Variants in KCNB2 observed in about 807,000 individuals in gnomAD.
KCNB2 encodes delayed rectifier potassium channel protein.
KCNB2 carries 15 observed loss-of-function variants against 61.5 expected under a neutral mutation model. The observed-to-expected ratio is 0.24, with a 90% CI of 0.16 to 0.38. The LOEUF is 0.38. Among genes scored for constraint, KCNB2 ranks in the 10% least tolerant of loss-of-function variants. The probability of loss-of-function intolerance (pLI) is 1.00; values close to 1 mark genes in which losing one functional copy is unlikely to be tolerated. For missense variants in KCNB2, 828 were observed against 1,125.2 expected (o/e 0.74, Z 3.78); for synonymous variants, 457 against 446.0 (o/e 1.02, Z -0.31).
chr8:72,753,561 G>A (rs1808238161), intron 2 of KCNB2, among the ~76,000 whole-genome samples: 1 of 152,196 alleles, frequency 6.6e-6, no homozygotes, highest in South Asian at 2.1e-4. Context: ...AACCAATTGA[G>A]TAGCTTGTCA....
chr8:72,757,029 G>T (rs1012310856), intron 2 of KCNB2, among the ~76,000 whole-genome samples: 1 of 152,154 alleles, frequency 6.6e-6, no homozygotes, highest in South Asian at 2.1e-4. Context: ...CATTGGCAGA[G>T]CATGATACTT....
At chr8:72,892,241 G>A (rs1159346278) in intron 2 of KCNB2, among the ~76,000 whole-genome samples, 2 of 152,038 alleles carry the variant, frequency 1.3e-5, no homozygotes, top group East Asian at 3.9e-4. Context: ...TTCCTGAGGG[G>A]TAGTGATCTC....
intron 2 of KCNB2, among the ~76,000 whole-genome samples, chr8:72,715,713 A>C (rs1362433709): frequency 2.0e-5 from 3 of 152,254 alleles, no homozygotes; most frequent in Non-Finnish European, 4.4e-5. Flanking sequence ...AAAGCAGGAA[A>C]GATCTAAAAT....
chr8:72,930,990 G>A lies in KCNB2; in HGVS notation c.580-4945G>A, dbSNP rs906419687. Among the ~76,000 whole-genome samples the A allele has an allele frequency of 2.6e-5, 4 of 152,138 alleles. No homozygotes were observed. The South Asian group carries it at 6.2e-4, about 24-fold the overall frequency. On this transcript the variant is annotated intron_variant, in intron 2 of 2. Coordinates refer to ENST00000523207, the MANE Select transcript of KCNB2 (RefSeq NM_004770.3). ...AACTTTTGTATAAGGTGTAAGGAAG[G>A]GATCCAGTTTCAGCTTTCTACTAAT...
chr8:72,830,307 C>T lies in KCNB2; in HGVS notation c.580-105628C>T, dbSNP rs886244744. Among the ~76,000 whole-genome samples the T allele has an allele frequency of 1.6e-4, 23 of 147,922 alleles. 1 individual carries two copies. The highest frequency in any genetic ancestry group is 3.5e-3 in the Middle Eastern group (1 of 282). ...AGGAGAGAAGGAGACCTCAGCTTTT[C>T]TATCCAGACGATTATCCTCACCTGT... On this transcript the variant is annotated intron_variant, in intron 2 of 2. Transcript: ENST00000523207.
chr8:72,676,737 G>A (rs2128988656), intron 2 of KCNB2, among the ~76,000 whole-genome samples: 1 of 152,176 alleles, frequency 6.6e-6, no homozygotes, highest in East Asian at 1.9e-4. Context: ...GCAAGCAGGG[G>A]TTAACTTTCC....
chr8:72,726,966 G>A (rs1464404783), intron 2 of KCNB2, among the ~76,000 whole-genome samples: 2 of 152,096 alleles, frequency 1.3e-5, no homozygotes, highest in African/African-American at 4.8e-5. Context: ...ATAGCAACGT[G>A]AACCTCACCT....
rs552576102 is a variant in KCNB2, at chr8:72,550,892, CAGACAGGCAGGGCTGACAG to C, written c.-94+13020_-94+13038del. Among the ~76,000 whole-genome samples the C allele has an allele frequency of 5.9e-5, 9 of 152,288 alleles. No individual in the cohort carries two copies. The South Asian group carries it at 1.9e-3, about 32-fold the overall frequency. ...TGGGAGCAGGCGATATTTGGAGATT[CAGACAGGCAGGGCTGACAG>C]AGACAGGCAGGGATAGAATGGTCCA... On this transcript the variant is annotated intron_variant, in intron 1 of 2. Coordinates refer to ENST00000523207, the MANE Select transcript of KCNB2 (RefSeq NM_004770.3).
At chr8:72,637,467 A>G (rs948771577) in intron 2 of KCNB2, among the ~76,000 whole-genome samples, 1 of 152,048 alleles carries the variant, frequency 6.6e-6, no homozygotes, top group East Asian at 1.9e-4. Context: ...ATCCTTTTCT[A>G]TCAGATGATC....
At chr8:72,597,696 T>C (rs1807221833) in intron 2 of KCNB2, among the ~76,000 whole-genome samples, 1 of 152,216 alleles carries the variant, frequency 6.6e-6, no homozygotes, top group Non-Finnish European at 1.5e-5. Context: ...TTAGCCATAA[T>C]GATGTAGTTA....
intron 2 of KCNB2, among the ~76,000 whole-genome samples, chr8:72,885,357 C>T (rs1805786240): frequency 6.6e-6 from 1 of 152,042 alleles, no homozygotes; most frequent in African/African-American, 2.4e-5. Context: ...TCCTCTAAAA[C>T]ACATTATGCA....
At chr8:72,648,690 G>A (rs967910091) in intron 2 of KCNB2, among the ~76,000 whole-genome samples, 2 of 151,590 alleles carry the variant, frequency 1.3e-5, no homozygotes, top group African/African-American at 4.9e-5. Context: ...CTCACAAGCT[G>A]GAATTTCCCC....
At chr8:72,793,049 T>G (rs1276024946) in intron 2 of KCNB2, among the ~76,000 whole-genome samples, 6 of 152,352 alleles carry the variant, frequency 3.9e-5, no homozygotes, top group Non-Finnish European at 7.4e-5. Flanking sequence ...ATGTTCTTGT[T>G]TGTTAAGCAA....
chr8:72,561,203 C>A (rs1051086178), intron 1 of KCNB2, among the ~76,000 whole-genome samples: 1 of 151,192 alleles, frequency 6.6e-6, no homozygotes, highest in Non-Finnish European at 1.5e-5. Flanking sequence ...TGTCACTAGG[C>A]TGGAGTGCAG....
intron 2 of KCNB2, among the ~76,000 whole-genome samples, chr8:72,887,556 T>C (rs931624458): frequency 5.3e-5 from 8 of 152,288 alleles, no homozygotes; most frequent in Admixed American, 4.6e-4. Flanking sequence ...CAAAAGCCAC[T>C]GTGTAAACTG....
intron 2 of KCNB2, among the ~76,000 whole-genome samples, chr8:72,620,551 C>A (rs951389718): frequency 1.3e-5 from 2 of 152,166 alleles, no homozygotes; most frequent in Non-Finnish European, 2.9e-5. Flanking sequence ...GAAGCCTTTC[C>A]CTTTAGCAAC....
intron 2 of KCNB2, among the ~76,000 whole-genome samples, chr8:72,815,228 A>C (rs1298062394): frequency 6.6e-6 from 1 of 152,178 alleles, no homozygotes; most frequent in East Asian, 1.9e-4. Flanking sequence ...GGAGTAAAAC[A>C]GAGAAGTGGG....
chr8:72,641,321 AT>A (rs946293929), intron 2 of KCNB2, among the ~76,000 whole-genome samples: 4 of 151,952 alleles, frequency 2.6e-5, no homozygotes, highest in African/African-American at 7.3e-5. Context: ...CAATATACTT[AT>A]TTTTTCTGTC....
intron 1 of KCNB2, among the ~76,000 whole-genome samples, chr8:72,544,637 G>C (rs1410978989): frequency 6.6e-6 from 1 of 152,088 alleles, no homozygotes; most frequent in Non-Finnish European, 1.5e-5. Flanking sequence ...CCCAATACAG[G>C]TCATAATAGT....
Sources: allele counts gnomAD v4.1 joint callset (sites outside exome capture counted in the v4.1 genomes callset), GRCh38; gene constraint gnomAD v4.1.1; transcripts MANE v1.5; gene names NCBI Gene and HGNC (gene_info 2026-07-23, HGNC 2026-07-21).